The following KYNU variants were observed in gnomAD, a reference collection of about 807,000 sequenced individuals.
KYNU encodes the protein kynureninase.
KYNU carries 54 observed loss-of-function variants against 59.2 expected under a neutral mutation model. That is an observed-to-expected ratio of 0.91 (90% confidence interval 0.73 to 1.14). The LOEUF is 1.14. KYNU is among the 50% of genes most tolerant of loss of function. The pLI, the probability that KYNU is intolerant of heterozygous loss-of-function variation, is 0.00. For missense variants in KYNU, 567 were observed against 554.4 expected, an observed-to-expected ratio of 1.02 and a Z score of -0.23; for synonymous variants, 177 against 192.0, an observed-to-expected ratio of 0.92 and a Z score of 0.65.
At chr2:142,896,485 A>G (rs1394108042) in intron 2 of KYNU, among the ~76,000 whole-genome samples, 1 of 151,456 alleles carries the variant, frequency 6.6e-6, no homozygotes, top group African/African-American at 2.4e-5. Context: ...TTTTAATTGG[A>G]TTTTTTGTTT....
intron 4 of KYNU, among the ~76,000 whole-genome samples, chr2:142,934,257 A>T (rs984079778): frequency 2.0e-5 from 3 of 151,874 alleles, no homozygotes; most frequent in Non-Finnish European, 4.4e-5. Flanking sequence ...GGCAATGTGG[A>T]TGGGGGTGTG....
At chr2:142,901,885 C>T (rs1009096281) in intron 2 of KYNU, among the ~76,000 whole-genome samples, 1 of 152,128 alleles carries the variant, frequency 6.6e-6, no homozygotes, top group African/African-American at 2.4e-5. Flanking sequence ...GTCAAGGGAA[C>T]CTCTAGAAGG....
intron 2 of KYNU, among the ~76,000 whole-genome samples, chr2:142,908,137 T>C (rs1390285042): frequency 2.0e-5 from 3 of 152,202 alleles, no homozygotes; most frequent in African/African-American, 7.2e-5. Context: ...TTTTATTCTT[T>C]TAGCCTTTGG....
At position 143,042,357 on chromosome 2, in the gene KYNU, G is replaced by T. The variant is rs917644440; in HGVS notation, c.*185G>T. On this transcript the variant is annotated 3_prime_UTR_variant, in exon 14 of 14. Coordinates refer to ENST00000264170, the MANE Select transcript of KYNU (RefSeq NM_003937.3). ...TCTGTGGCACTAAGGAGTCCACAGG[G>T]CTGCCTAGGTGCTTTGTGTTTGGGG... The T allele has an allele frequency of 6.8e-6, 4 of 587,126 alleles. No homozygotes were observed. Among genetic ancestry groups the T allele is most frequent in the Non-Finnish European group, 1.2e-5 (4 of 344,890 alleles). The allele number at this position is 587,126 out of a possible 1,614,324, so 36.4% of individuals were successfully genotyped here.
intron 4 of KYNU, among the ~76,000 whole-genome samples, chr2:142,932,329 A>G (rs1369837476): frequency 1.3e-5 from 2 of 152,170 alleles, no homozygotes; most frequent in African/African-American, 4.8e-5. Context: ...TGGGCTCAGA[A>G]GTCCTGCTTT....
chr2:142,993,444 G>A (rs770544731), intron 10 of KYNU, among the ~76,000 whole-genome samples: 1 of 151,960 alleles, frequency 6.6e-6, no homozygotes, highest in Non-Finnish European at 1.5e-5. Context: ...CTTGAAGTGG[G>A]TTACACCTGT....
intron 10 of KYNU, among the ~76,000 whole-genome samples, chr2:142,999,007 CAAAAAAAAAAAAAAAA>C (rs59742828): frequency 4.7e-5 from 3 of 63,490 alleles, no homozygotes; most frequent in Admixed American, 1.8e-4. Flanking sequence ...GACTCCGTCT[CAAAAAAAAAAAAAAAA>C]AAAAAAAAAA....
chr2:142,898,830 A>G (rs1191667546), intron 2 of KYNU, among the ~76,000 whole-genome samples: 1 of 152,148 alleles, frequency 6.6e-6, no homozygotes, highest in East Asian at 1.9e-4. Flanking sequence ...TTATAGCTCT[A>G]TTAGAAGCTG....
At chr2:143,013,316 G>GTT (rs1017905620) in intron 10 of KYNU, among the ~76,000 whole-genome samples, 4 of 152,038 alleles carry the variant, frequency 2.6e-5, no homozygotes, top group Non-Finnish European at 4.4e-5. Context: ...GTGTGTGTGT[G>GTT]TGTCCATCAT....
chr2:142,984,752 A>G (rs1685150763), intron 8 of KYNU, among the ~76,000 whole-genome samples: 2 of 152,060 alleles, frequency 1.3e-5, no homozygotes, highest in African/African-American at 4.8e-5. Context: ...GCTGGAACCA[A>G]TGTAATGACT....
At chr2:142,965,299 A>T (rs1232810672) in intron 8 of KYNU, among the ~76,000 whole-genome samples, 3 of 152,010 alleles carry the variant, frequency 2.0e-5, no homozygotes, top group South Asian at 2.1e-4. Flanking sequence ...GACCTTTTTA[A>T]CCTATCTCTT....
At chr2:142,966,607 G>A (rs1349533357) in intron 8 of KYNU, among the ~76,000 whole-genome samples, 1 of 152,072 alleles carries the variant, frequency 6.6e-6, no homozygotes, top group Non-Finnish European at 1.5e-5. Flanking sequence ...TTAACAGAAT[G>A]TGTAGATCAG....
intron 1 of KYNU, among the ~76,000 whole-genome samples, chr2:142,880,249 T>C (rs930168584): frequency 1.3e-5 from 2 of 152,172 alleles, no homozygotes; most frequent in Non-Finnish European, 2.9e-5. Context: ...CAGTAATATG[T>C]TTGTAGTAAG....
intron 12 of KYNU, among the ~76,000 whole-genome samples, chr2:143,035,191 G>C (rs553064063): frequency 4.5e-4 from 68 of 152,174 alleles, no homozygotes; most frequent in African/African-American, 1.5e-3. Context: ...GCTACACCAG[G>C]CTAATTTTTG....
At chr2:142,914,001 GCACCATTA>G (rs1008830540) in intron 2 of KYNU, among the ~76,000 whole-genome samples, 7 of 152,146 alleles carry the variant, frequency 4.6e-5, no homozygotes, top group Non-Finnish European at 5.9e-5. Context: ...CCACTCCTTG[GCACCATTA>G]CAGTAGCTTC....
At chr2:142,974,734 T>C (rs1019344894) in intron 8 of KYNU, among the ~76,000 whole-genome samples, 1 of 152,188 alleles carries the variant, frequency 6.6e-6, no homozygotes, top group East Asian at 1.9e-4. Flanking sequence ...GAAATAAACA[T>C]AGCTCAAGAA....
At chr2:142,998,722 T>C (rs1558967344) in intron 10 of KYNU, among the ~76,000 whole-genome samples, 1 of 151,986 alleles carries the variant, frequency 6.6e-6, no homozygotes, top group Non-Finnish European at 1.5e-5. Context: ...AAAGAATAGC[T>C]TCTGTGACCA....
chr2:142,990,390 CTT>C (rs958139898), intron 10 of KYNU, among the ~76,000 whole-genome samples: 4 of 151,784 alleles, frequency 2.6e-5, no homozygotes, highest in African/African-American at 9.7e-5. Context: ...TCATGGCACA[CTT>C]TAGAGGACTA....
chr2:142,889,440 G>A lies in KYNU; in HGVS notation c.169+3904G>A, dbSNP rs545013026. On this transcript the variant is annotated intron_variant, in intron 2 of 13. Coordinates refer to ENST00000264170, the MANE Select transcript of KYNU (RefSeq NM_003937.3). ...CCGGGAGAAGGGAAAAGGTCAGTGC[G>A]TGAGCTTTCTAGGTTTTAAGGCTTG... Among the ~76,000 whole-genome samples the A allele has an allele frequency of 7.2e-5, 11 of 152,244 alleles. No individual in the cohort carries two copies. In the East Asian group the frequency reaches 9.7e-4, roughly 13 times the overall value.
Sources: allele counts gnomAD v4.1 joint callset (sites outside exome capture counted in the v4.1 genomes callset), GRCh38; gene constraint gnomAD v4.1.1; transcripts MANE v1.5; gene names NCBI Gene and HGNC (gene_info 2026-07-23, HGNC 2026-07-21).